The following P3H2 variants were observed in gnomAD, a reference collection of about 807,000 sequenced individuals.
P3H2 encodes leprecan-like 1.
In P3H2, 80 loss-of-function variants were observed where a neutral mutation model predicts 87.0. The ratio of observed to expected loss-of-function variants is 0.92; its 90% confidence interval spans 0.77 to 1.11. P3H2 has a LOEUF of 1.11. P3H2 is among the 50% of genes least tolerant of loss of function. The pLI is 0.00. For synonymous variants in P3H2, 367 were observed against 359.3 expected, an observed-to-expected ratio of 1.02 and a Z score of -0.24; for missense variants, 1,001 against 923.9, an observed-to-expected ratio of 1.08 and a Z score of -1.08.
chr3:190,106,918 A>G (rs1245326317), intron 1 of P3H2, among the ~76,000 whole-genome samples: 1 of 152,240 alleles, frequency 6.6e-6, no homozygotes, highest in Non-Finnish European at 1.5e-5. Context: ...TAAAGCTTTT[A>G]GCATAATACC....
intron 1 of P3H2, among the ~76,000 whole-genome samples, chr3:190,042,666 T>C (rs1232177018): frequency 3.3e-5 from 5 of 152,222 alleles, no homozygotes; most frequent in Non-Finnish European, 7.3e-5. Flanking sequence ...TTCCAGTCCC[T>C]ACAGTAAACC....
chr3:190,023,002 A>AT (rs1159278858), intron 1 of P3H2, among the ~76,000 whole-genome samples: 1 of 151,424 alleles, frequency 6.6e-6, no homozygotes, highest in Non-Finnish European at 1.5e-5. Flanking sequence ...AATTTTTTGT[A>AT]TTTTTAGTAG....
intron 1 of P3H2, among the ~76,000 whole-genome samples, chr3:190,097,096 G>A (rs529487417): frequency 1.4e-4 from 22 of 152,292 alleles, no homozygotes; most frequent in Admixed American, 3.9e-4. Context: ...CAGGGCTCTC[G>A]TGAGGAAGGC....
intron 1 of P3H2, among the ~76,000 whole-genome samples, chr3:190,005,179 T>C (rs1328437220): frequency 6.6e-6 from 1 of 152,202 alleles, no homozygotes; most frequent in Non-Finnish European, 1.5e-5. Flanking sequence ...ATCTTGAGAA[T>C]ATGAAAAAAA....
chr3:190,038,250 A>C (rs963785625), intron 1 of P3H2, among the ~76,000 whole-genome samples: 56 of 151,742 alleles, frequency 3.7e-4, no homozygotes, highest in African/African-American at 1.3e-3. Context: ...AAAAAAAAAA[A>C]AAAAAACTGT....
chr3:190,017,889 A>T (rs1422534144), intron 1 of P3H2, among the ~76,000 whole-genome samples: 1 of 152,248 alleles, frequency 6.6e-6, no homozygotes, highest in Admixed American at 6.5e-5. Context: ...AATGGCAAAG[A>T]GAACTTGCTA....
intron 1 of P3H2, among the ~76,000 whole-genome samples, chr3:190,071,587 T>A (rs1726699054): frequency 6.6e-6 from 1 of 152,208 alleles, no homozygotes; most frequent in Middle Eastern, 3.2e-3. Context: ...TTTACTCCTT[T>A]CCATTTGAGG....
intron 1 of P3H2, among the ~76,000 whole-genome samples, chr3:190,073,272 G>A (rs1210362263): frequency 2.6e-5 from 4 of 152,150 alleles, no homozygotes; most frequent in Non-Finnish European, 5.9e-5. Context: ...TTATTTCCTA[G>A]ATTCACAGCA....
intron 1 of P3H2, among the ~76,000 whole-genome samples, chr3:190,015,911 T>TTGTGCGTG (rs1160566574): frequency 6.6e-6 from 1 of 151,988 alleles, no homozygotes; most frequent in Non-Finnish European, 1.5e-5. Context: ...GTGGAGAAAT[T>TTGTGCGTG]TGTGCATGTG....
intron 13 of P3H2, among the ~76,000 whole-genome samples, chr3:189,965,941 G>A (rs1339705714): frequency 1.4e-5 from 2 of 147,908 alleles, no homozygotes; most frequent in East Asian, 2.0e-4. Context: ...AGCTGAGATC[G>A]TGCTACTGCA....
intron 1 of P3H2, among the ~76,000 whole-genome samples, chr3:190,029,606 A>G (rs951813207): frequency 4.6e-5 from 7 of 152,180 alleles, no homozygotes; most frequent in African/African-American, 1.7e-4. Context: ...CTTTATCCAC[A>G]TTGTTATTTA....
At chr3:190,031,617 A>G (rs1219601067) in intron 1 of P3H2, among the ~76,000 whole-genome samples, 2 of 145,134 alleles carry the variant, frequency 1.4e-5, no homozygotes, top group Admixed American at 7.2e-5. Context: ...AGCCTCTGTG[A>G]GAAAGCGAGA....
Position 190,120,571 on chromosome 3 carries a change from G to C in P3H2, c.161C>G (p.Ala54Gly). Residue 54 changes from alanine to glycine, a missense_variant, in exon 1 of 15, where the codon GCC (alanine) becomes GGC (glycine). By Grantham distance (60) the Ala-to-Gly change is moderately conservative. Coordinates refer to ENST00000319332, the MANE Select transcript of P3H2 (RefSeq NM_018192.4). ...FDLLYASGAA[A>G]YYSGDYERAV... ...TCGCTCGTAGTCTCCGCTGTAGTAGGCGGCCGCGCCGCTGGCGTAGAGCAG... is the reference window on the plus strand; with the variant it reads ...TCGCTCGTAGTCTCCGCTGTAGTAGCCGGCCGCGCCGCTGGCGTAGAGCAG... 1.9e-6 allele frequency: 3 copies of C among 1,540,324 alleles called. No homozygotes were observed. Among genetic ancestry groups the C allele is most frequent in the Non-Finnish European group, 2.6e-6 (3 of 1,153,364 alleles).
At chr3:190,068,265 C>A (rs1224239515) in intron 1 of P3H2, among the ~76,000 whole-genome samples, 2 of 152,008 alleles carry the variant, frequency 1.3e-5, no homozygotes, top group Non-Finnish European at 2.9e-5. Flanking sequence ...TGAATTTCAA[C>A]AATAATTAAA....
At chr3:190,045,896 C>T (rs559314077) in intron 1 of P3H2, among the ~76,000 whole-genome samples, 1 of 152,026 alleles carries the variant, frequency 6.6e-6, no homozygotes, top group Non-Finnish European at 1.5e-5. Context: ...CCAAGGTGGG[C>T]AGATCACGAG....
At chr3:189,979,094 C>A (rs1723444112) in intron 8 of P3H2, among the ~76,000 whole-genome samples, 1 of 152,052 alleles carries the variant, frequency 6.6e-6, no homozygotes, top group Non-Finnish European at 1.5e-5. Flanking sequence ...GGCAGGCTAA[C>A]AATCCCTATA....
intron 1 of P3H2, among the ~76,000 whole-genome samples, chr3:190,010,781 T>C (rs1424346120): frequency 1.3e-5 from 2 of 152,338 alleles, no homozygotes; most frequent in African/African-American, 2.4e-5. Flanking sequence ...AGTAGCTTCA[T>C]TTGCAATTGA....
intron 1 of P3H2, among the ~76,000 whole-genome samples, chr3:190,059,926 G>T (rs1446186535): frequency 6.6e-6 from 1 of 152,018 alleles, no homozygotes. Context: ...TGTTACGCTG[G>T]GAAACTCTAA....
At chr3:190,090,880 A>G (rs1727390347) in intron 1 of P3H2, among the ~76,000 whole-genome samples, 1 of 152,124 alleles carries the variant, frequency 6.6e-6, no homozygotes, top group African/African-American at 2.4e-5. Flanking sequence ...ACGTAACTTC[A>G]GTGTCAATTT....
Sources: allele counts gnomAD v4.1 joint callset (sites outside exome capture counted in the v4.1 genomes callset), GRCh38; gene constraint gnomAD v4.1.1; transcripts MANE v1.5; gene names NCBI Gene and HGNC (gene_info 2026-07-23, HGNC 2026-07-21).